Variants in DCDC2C observed in about 807,000 individuals in gnomAD.
DCDC2C encodes doublecortin domain-containing protein 2C.
DCDC2C carries 44 observed loss-of-function variants against 45.0 expected under a neutral mutation model. That is an observed-to-expected ratio of 0.98 (90% confidence interval 0.77 to 1.26). The LOEUF (loss-of-function observed/expected upper bound fraction) is 1.26. Among genes scored for constraint, DCDC2C ranks in the 50% most tolerant of loss-of-function variants. DCDC2C has a pLI of 0.00. For synonymous variants in DCDC2C, 187 were observed against 178.8 expected (o/e 1.05, Z -0.37); for missense variants, 447 against 468.9 (o/e 0.95, Z 0.43).
chr2:3,762,398 C>G (rs1036686861), intron 6 of DCDC2C, among the ~76,000 whole-genome samples: 1 of 152,094 alleles, frequency 6.6e-6, no homozygotes, highest in Non-Finnish European at 1.5e-5. Context: ...TTCATTCTTA[C>G]ACTGCTATAA....
intron 2 of DCDC2C, among the ~76,000 whole-genome samples, chr2:3,716,712 G>A (rs1185562817): frequency 3.9e-5 from 6 of 152,148 alleles, no homozygotes; most frequent in Non-Finnish European, 7.3e-5. Flanking sequence ...GCCTTGGGTG[G>A]GTGAGGAAGA....
chr2:3,741,694 T>TAC (rs553941059), intron 3 of DCDC2C, among the ~76,000 whole-genome samples: 2 of 147,338 alleles, frequency 1.4e-5, no homozygotes, highest in African/African-American at 2.7e-5. Context: ...AAAGCACACA[T>TAC]ACACACACAC....
At position 3,767,799 on chromosome 2, in the gene DCDC2C, C is replaced by G. The variant is rs1670053614; in HGVS notation, c.772C>G (p.Pro258Ala). The G allele has an allele frequency of 6.5e-7, 1 of 1,549,824 alleles. No homozygotes were observed. Among genetic ancestry groups the G allele is most frequent in the East Asian group, 2.4e-5 (1 of 40,874 alleles). The part of the protein sequence containing the change: ...KEPCKYDGIP[P>A]KTQDSVYYAK... ...ACCTTGTAAATATGATGGCATACCCCCTAAAACACAGGATTCTGTTTATTA... is the reference window on the plus strand; with the variant it reads ...ACCTTGTAAATATGATGGCATACCCGCTAAAACACAGGATTCTGTTTATTA... Residue 258 changes from proline to alanine, a missense_variant, in exon 7 of 11, where the codon CCT becomes GCT. Transcript: ENST00000399143.
chr2:3,735,066 A>C (rs978729765), intron 3 of DCDC2C, among the ~76,000 whole-genome samples: 2 of 152,026 alleles, frequency 1.3e-5, no homozygotes, highest in Non-Finnish European at 2.9e-5. Context: ...AAGACTAGAA[A>C]CTTGGTCTGT....
intron 4 of DCDC2C, among the ~76,000 whole-genome samples, chr2:3,744,296 G>A (rs1391320032): frequency 6.6e-6 from 1 of 152,224 alleles, no homozygotes; most frequent in Non-Finnish European, 1.5e-5. Flanking sequence ...CATTGCTGGT[G>A]TGGACATGAA....
At chr2:3,705,309 G>C (rs554521855) in intron 1 of DCDC2C, among the ~76,000 whole-genome samples, 1 of 152,288 alleles carries the variant, frequency 6.6e-6, no homozygotes, top group East Asian at 1.9e-4. Context: ...GCATATTTCA[G>C]ATTGAAATTT....
At chr2:3,783,448 T>C (rs973101553) in intron 9 of DCDC2C, among the ~76,000 whole-genome samples, 16 of 152,188 alleles carry the variant, frequency 1.1e-4, no homozygotes, top group African/African-American at 3.9e-4. Flanking sequence ...CTTCCTCCAC[T>C]AACCTCCACT....
intron 10 of DCDC2C, among the ~76,000 whole-genome samples, chr2:3,845,790 A>C (rs1461159676): frequency 1.3e-5 from 2 of 152,248 alleles, no homozygotes; most frequent in African/African-American, 4.8e-5. Context: ...GATTTAGACC[A>C]GCAAGCTGCT....
chr2:3,810,608 G>T (rs1671370580), intron 10 of DCDC2C, among the ~76,000 whole-genome samples: 1 of 152,052 alleles, frequency 6.6e-6, no homozygotes, highest in South Asian at 2.1e-4. Context: ...GTCAATTTTG[G>T]CTTTTGTTTC....
chr2:3,767,604 T>C (rs1670046915), intron 6 of DCDC2C, 150 bp from the exon 7 acceptor site: 6 of 801,094 alleles, frequency 7.5e-6, no homozygotes, highest in Admixed American at 3.1e-5. Context: ...AGAGGTTGCA[T>C]TCGAAGTGAG....
chr2:3,748,043 G>A (rs940279268), intron 4 of DCDC2C, among the ~76,000 whole-genome samples: 6 of 152,198 alleles, frequency 3.9e-5, no homozygotes, highest in African/African-American at 1.2e-4. Context: ...CACAGCCTTT[G>A]TGGTGGGAAG....
chr2:3,703,734 G>A lies in DCDC2C; in HGVS notation c.-18G>A, dbSNP rs1257341970. On this transcript the variant is annotated 5_prime_UTR_variant, in exon 1 of 11. Coordinates refer to ENST00000399143, the MANE Select transcript of DCDC2C (RefSeq NM_001287444.2). This position sits in a 1 kb window ranked among gnomAD's most constrained non-coding sequence, Gnocchi z 4.4. ...CCGCAGCCTCTCGGCCCCGGCGAGCGAGGAGCGGGGCGCGGCTATGGGAAC... is the reference window on the plus strand; with the variant it reads ...CCGCAGCCTCTCGGCCCCGGCGAGCAAGGAGCGGGGCGCGGCTATGGGAAC... The A allele has an allele frequency of 4.1e-6, 5 of 1,229,298 alleles. No homozygotes were observed. Among genetic ancestry groups the A allele is most frequent in the Middle Eastern group, 3.1e-4 (1 of 3,210 alleles). 76.1% of individuals were successfully genotyped at this position (1,229,298 alleles called of 1,614,324 possible). A position where few individuals can be genotyped will look rare whatever the true frequency, so the allele number is the denominator to read the frequency against.
chr2:3,816,829 G>A (rs1239495738), intron 10 of DCDC2C, among the ~76,000 whole-genome samples: 1 of 152,130 alleles, frequency 6.6e-6, no homozygotes, highest in African/African-American at 2.4e-5. Context: ...GAAGGAAGGG[G>A]GCCTGAATAA....
At chr2:3,770,970 C>T (rs891232943) in intron 8 of DCDC2C, among the ~76,000 whole-genome samples, 18 of 152,224 alleles carry the variant, frequency 1.2e-4, no homozygotes, top group Admixed American at 1.0e-3. Flanking sequence ...GTTTTCTGTG[C>T]AGCAGTTTTC....
chr2:3,773,239 C>T (rs1040414785), intron 8 of DCDC2C, among the ~76,000 whole-genome samples: 20 of 115,694 alleles, frequency 1.7e-4, no homozygotes, highest in Non-Finnish European at 3.4e-4. Flanking sequence ...CAGTCTTTAA[C>T]GACCCCCTGT....
chr2:3,789,986 G>C (rs1326459590), intron 10 of DCDC2C, among the ~76,000 whole-genome samples: 3 of 152,222 alleles, frequency 2.0e-5, no homozygotes, highest in Non-Finnish European at 4.4e-5. Context: ...ACAACAAAAA[G>C]AGAGTCATGT....
intron 2 of DCDC2C, among the ~76,000 whole-genome samples, chr2:3,722,850 G>A (rs1408217772): frequency 1.3e-5 from 2 of 152,228 alleles, no homozygotes; most frequent in Admixed American, 6.5e-5. Context: ...GAAGCAGAAA[G>A]CTGGTACTTA....
intron 6 of DCDC2C, among the ~76,000 whole-genome samples, chr2:3,755,333 G>A (rs978973249): frequency 6.6e-6 from 1 of 152,154 alleles, no homozygotes; most frequent in Admixed American, 6.5e-5. Context: ...ACGTGCACAT[G>A]CATGTATAGA....
At chr2:3,809,814 A>G (rs956061397) in intron 10 of DCDC2C, among the ~76,000 whole-genome samples, 1 of 151,540 alleles carries the variant, frequency 6.6e-6, no homozygotes, top group East Asian at 1.9e-4. Flanking sequence ...TCATTGTTCA[A>G]CTCCCACTTA....
Sources: gnomAD v4.1 joint callset for allele counts (sites outside exome capture counted in the v4.1 genomes callset) on GRCh38, gnomAD v4.1.1 for gene constraint, Gnocchi (gnomAD v3.1) non-coding constraint, MANE v1.5 for transcripts, NCBI Gene and HGNC (gene_info 2026-07-23, HGNC 2026-07-21) for gene names.